Variants in MLANA observed in about 807,000 individuals in gnomAD.
MLANA encodes melan-A.
MLANA carries 21 observed loss-of-function variants against 15.7 expected under a neutral mutation model. The observed-to-expected ratio is 1.33, with a 90% CI of 0.95 to 1.92. The LOEUF (loss-of-function observed/expected upper bound fraction) is 1.92. Among genes scored for constraint, MLANA ranks in the 40% most tolerant of loss-of-function variants. The pLI is 0.00. For synonymous variants in MLANA, 56 were observed against 51.5 expected (o/e 1.09, Z -0.37); for missense variants, 164 against 143.8 (o/e 1.14, Z -0.72).
At chr9:5,895,313 T>A (rs1442376197) in intron 2 of MLANA, among the ~76,000 whole-genome samples, 9 of 151,814 alleles carry the variant, frequency 5.9e-5, no homozygotes, top group Non-Finnish European at 1.5e-5. Flanking sequence ...ATTCCTCTCA[T>A]GAAAAGTCCC....
intron 3 of MLANA, among the ~76,000 whole-genome samples, chr9:5,905,130 A>G (rs1422038219): frequency 6.6e-6 from 1 of 152,128 alleles, no homozygotes; most frequent in Non-Finnish European, 1.5e-5. Context: ...ACATACATTT[A>G]CAACTAATTC....
intron 3 of MLANA, among the ~76,000 whole-genome samples, chr9:5,904,833 G>C (rs2129979086): frequency 6.6e-6 from 1 of 151,630 alleles, no homozygotes; most frequent in Non-Finnish European, 1.5e-5. Flanking sequence ...GAGTGCAGTG[G>C]TATGATCTGG....
intron 2 of MLANA, among the ~76,000 whole-genome samples, chr9:5,896,806 G>A (rs1395933252): frequency 1.3e-5 from 2 of 152,174 alleles, no homozygotes; most frequent in African/African-American, 4.8e-5. Context: ...AGAGGCTGGT[G>A]TAGACCCCCA....
At chr9:5,898,500 C>T (rs1352761788) in intron 3 of MLANA, among the ~76,000 whole-genome samples, 6 of 152,136 alleles carry the variant, frequency 3.9e-5, no homozygotes, top group African/African-American at 1.4e-4. Context: ...ATTAAGTTTC[C>T]AATACACGAA....
At chr9:5,895,980 T>C (rs1173861613) in intron 2 of MLANA, among the ~76,000 whole-genome samples, 1 of 152,214 alleles carries the variant, frequency 6.6e-6, no homozygotes, top group African/African-American at 2.4e-5. Context: ...GGGAGTTGAA[T>C]CAGCTGCCTT....
At chr9:5,891,660 G>C (rs993933409) in intron 1 of MLANA, among the ~76,000 whole-genome samples, 1 of 152,102 alleles carries the variant, frequency 6.6e-6, no homozygotes, top group Non-Finnish European at 1.5e-5. Context: ...CTTGAATTAC[G>C]GCCACTGCAG....
intron 4 of MLANA, among the ~76,000 whole-genome samples, chr9:5,908,236 A>T (rs1449517476): frequency 6.6e-6 from 1 of 152,218 alleles, no homozygotes; most frequent in Non-Finnish European, 1.5e-5. Context: ...TGTTCTGGAT[A>T]CAATATCCTC....
In MLANA at chr9:5,906,997, TG is replaced by T; in HGVS notation, c.288+1del. ...CTTCAAGAGAAAAACTGTGAACCTG[TG>T]GTAGGTTAAGATCCTTCATAAGGGT... Reference protein sequence around the residue: ...VSLQEKNCEPVVPNAPPAYEK... With the variant: ...VSLQEKNCEPXVPNAPPAYEK... On this transcript the variant is annotated frameshift_variant and splice_region_variant, in exon 4 of 5. Coordinates refer to ENST00000381477, the MANE Select transcript of MLANA (RefSeq NM_005511.2). LOFTEE classifies it high-confidence loss of function. 6.3e-7 allele frequency: 1 copy of T among 1,584,282 alleles called. No homozygotes were observed. Among genetic ancestry groups the T allele is most frequent in the South Asian group, 1.2e-5 (1 of 86,188 alleles).
intron 2 of MLANA, among the ~76,000 whole-genome samples, chr9:5,892,830 A>T (rs764941559): frequency 1.3e-5 from 2 of 152,182 alleles, no homozygotes; most frequent in Non-Finnish European, 2.9e-5. Flanking sequence ...GTAGGTTCCC[A>T]AGTGGAAAAA....
chr9:5,903,657 A>C (rs1832596005), intron 3 of MLANA, among the ~76,000 whole-genome samples: 1 of 152,024 alleles, frequency 6.6e-6, no homozygotes. Flanking sequence ...ATCAGTTTTT[A>C]TCTCATGTAT....
intron 3 of MLANA, among the ~76,000 whole-genome samples, chr9:5,906,627 A>G (rs1832833148): frequency 6.6e-6 from 1 of 152,230 alleles, no homozygotes; most frequent in Admixed American, 6.5e-5. Flanking sequence ...TCTTTGACCA[A>G]CTATTGGGTC....
chr9:5,906,672 T>C (rs1232730064), intron 3 of MLANA, among the ~76,000 whole-genome samples: 3 of 152,250 alleles, frequency 2.0e-5, no homozygotes, highest in African/African-American at 4.8e-5. Flanking sequence ...TTCTAGTTAA[T>C]TCCCACAGCA....
intron 3 of MLANA, 45 bp downstream of exon 3, chr9:5,897,698 C>G: frequency 1.3e-6 from 2 of 1,499,702 alleles, no homozygotes; most frequent in Non-Finnish European, 1.9e-6. Context: ...GTCCAGGGCC[C>G]TCTTTCCAGT....
intron 4 of MLANA, among the ~76,000 whole-genome samples, chr9:5,907,932 G>A (rs923669840): frequency 2.0e-5 from 3 of 152,170 alleles, no homozygotes; most frequent in African/African-American, 7.2e-5. Flanking sequence ...CAGCCTGGGA[G>A]ACAAGAGCAA....
intron 1 of MLANA, chr9:5,891,390 T>G (rs1020278441): frequency 2.6e-5 from 4 of 152,222 alleles, no homozygotes; most frequent in African/African-American, 9.6e-5. Context: ...ATTATTCACT[T>G]GAGAGGACTG....
At chr9:5,902,585 T>C (rs964364371) in intron 3 of MLANA, among the ~76,000 whole-genome samples, 1 of 151,986 alleles carries the variant, frequency 6.6e-6, no homozygotes, top group Non-Finnish European at 1.5e-5. Flanking sequence ...TCCTCCTGGC[T>C]CAGCCTCCTG....
chr9:5,908,382 T>C (rs531818252), intron 4 of MLANA, among the ~76,000 whole-genome samples: 1 of 152,356 alleles, frequency 6.6e-6, no homozygotes, highest in East Asian at 1.9e-4. Context: ...TTTACTGTCA[T>C]GGAAAATCTA....
chr9:5,892,365 T>A, intron 1 of MLANA, 85 bp from the exon 2 acceptor site: 1 of 895,894 alleles, frequency 1.1e-6, no homozygotes, highest in Non-Finnish European at 1.7e-6. Context: ...GGTCACCTAG[T>A]GAGGATGCTG....
chr9:5,895,759 G>C (rs760616474), intron 2 of MLANA, among the ~76,000 whole-genome samples: 1 of 152,236 alleles, frequency 6.6e-6, no homozygotes, highest in Non-Finnish European at 1.5e-5. Context: ...TTCTGCTGCA[G>C]GTGGTATTTG....
Sources: allele counts gnomAD v4.1 joint callset (sites outside exome capture counted in the v4.1 genomes callset), GRCh38; gene constraint gnomAD v4.1.1; transcripts MANE v1.5; gene names NCBI Gene and HGNC (gene_info 2026-07-23, HGNC 2026-07-21).